GRAMD4: variants seen among roughly 807,000 people sequenced by gnomAD.
The protein encoded by GRAMD4 is GRAM domain-containing protein 4.
In GRAMD4, 25 loss-of-function variants were observed where a neutral mutation model predicts 83.9. The observed-to-expected ratio is 0.30, with a 90% confidence interval of 0.22 to 0.42. The LOEUF is 0.42. Ranked by LOEUF, GRAMD4 falls within the 10% of genes least tolerant of loss-of-function variation. The probability of loss-of-function intolerance (pLI) is 1.00; values close to 1 mark genes in which losing one functional copy is unlikely to be tolerated. For missense variants in GRAMD4, 593 were observed against 788.7 expected (o/e 0.75, Z 2.97); for synonymous variants, 336 against 320.9 (o/e 1.05, Z -0.50).
upstream of GRAMD4, chr22:46,620,262 CTGG>C (rs1403379017): frequency 2.7e-5 from 26 of 971,600 alleles, no homozygotes; most frequent in Non-Finnish European, 3.2e-5. The surrounding 1 kb of genome is among the most constrained non-coding windows in gnomAD (Gnocchi z 4.7). Flanking sequence ...TGTTCCAGGG[CTGG>C]CTGGCCCAAT....
At chr22:46,586,041 C>A (rs1308558992) in intron 1 of GRAMD4, among the ~76,000 whole-genome samples, 2 of 151,900 alleles carry the variant, frequency 1.3e-5, no homozygotes, top group South Asian at 4.1e-4. Context: ...CCATGACCCC[C>A]ACGTTTCCCC....
rs1358161558 is a variant in GRAMD4, at chr22:46,626,988, G to A, written c.162+27G>A. 18 of 1,532,392 alleles carry A rather than the reference G, an allele frequency of 1.2e-5. No homozygotes were observed. In the East Asian group the frequency reaches 4.0e-4, roughly 34 times the overall value. 94.9% of individuals were successfully genotyped at this position (1,532,392 alleles called of 1,614,324 possible). ...TGAGTACCTGTCCTCGTCCCCCGGT[G>A]TGGGCTGGGGTGTCGTCCCCGTCCT... On this transcript the variant is annotated intron_variant, in intron 2 of 18. Transcript: ENST00000406902.
chr22:46,597,970 A>G (rs1252514937), intron 1 of GRAMD4, among the ~76,000 whole-genome samples: 2 of 151,204 alleles, frequency 1.3e-5, no homozygotes, highest in Non-Finnish European at 2.9e-5. Context: ...AGGTTTTGGC[A>G]TTGGCGGCCT....
chr22:46,635,655 C>CCG (rs1569277777), intron 2 of GRAMD4, among the ~76,000 whole-genome samples: 3 of 139,842 alleles, frequency 2.1e-5, no homozygotes, highest in Admixed American at 7.0e-5. Flanking sequence ...CCTCCCTGCC[C>CCG]CCACTCCCAG....
At chr22:46,577,333 C>T in intron 1 of GRAMD4, 3 of 978,722 alleles carry the variant, frequency 3.1e-6, no homozygotes, top group Non-Finnish European at 3.6e-6. Flanking sequence ...GACCTGGTTG[C>T]CCCGCGACCA....
At chr22:46,665,891 T>C (rs2082401366) in intron 9 of GRAMD4, among the ~76,000 whole-genome samples, 185 bp downstream of exon 9, 1 of 152,150 alleles carries the variant, frequency 6.6e-6, no homozygotes, top group Admixed American at 6.5e-5. Flanking sequence ...TTGCTAGAGA[T>C]GGCAGTGGGA....
At chr22:46,671,527 G>T (rs768106573) in intron 13 of GRAMD4, among the ~76,000 whole-genome samples, 2 of 151,256 alleles carry the variant, frequency 1.3e-5, no homozygotes, top group African/African-American at 4.9e-5. Context: ...ATGGTGGCAG[G>T]CGCCTGTAGT....
chr22:46,657,727 C>T (rs867136617), intron 3 of GRAMD4, among the ~76,000 whole-genome samples: 12 of 152,220 alleles, frequency 7.9e-5, no homozygotes, highest in African/African-American at 2.2e-4. Context: ...GGGCTGTCCC[C>T]GCTGGCCCAG....
intron 3 of GRAMD4, among the ~76,000 whole-genome samples, chr22:46,650,838 A>G (rs192957096): frequency 6.6e-6 from 1 of 152,326 alleles, no homozygotes; most frequent in East Asian, 1.9e-4. Context: ...GCAGGACCAG[A>G]GTCACTCTTC....
chr22:46,592,627 C>T lies in GRAMD4; in HGVS notation c.-50+15337C>T, dbSNP rs368713163. On this transcript the variant is annotated intron_variant, in intron 1 of 1. Transcript: ENST00000431155. Reference sequence around the variant, plus strand: ...CACCAGGGAGGAACCACATCCTCTACGCCTGCAGAAGCAAAATTTCTCTCC... The same window carrying T: ...CACCAGGGAGGAACCACATCCTCTATGCCTGCAGAAGCAAAATTTCTCTCC... Among the ~76,000 whole-genome samples the T allele has an allele frequency of 7.9e-5, 12 of 152,310 alleles. No individual in the cohort carries two copies. In the South Asian group the frequency reaches 2.1e-3, roughly 26 times the overall value.
At chr22:46,648,747 C>G (rs13053915) in intron 3 of GRAMD4, among the ~76,000 whole-genome samples, 4,359 of 32,962 alleles carry the variant, frequency 0.13, 2 homozygotes, top group Middle Eastern at 0.23. Context: ...TGGATGGATG[C>G]ATGGATGGAT....
chr22:46,594,814 G>T (rs2081245028), intron 1 of GRAMD4, among the ~76,000 whole-genome samples: 1 of 151,776 alleles, frequency 6.6e-6, no homozygotes. Flanking sequence ...AGCACGGGGA[G>T]CTGGGGTTGG....
chr22:46,605,451 T>C (rs539430404), intron 1 of GRAMD4, among the ~76,000 whole-genome samples: 1 of 152,370 alleles, frequency 6.6e-6, no homozygotes, highest in South Asian at 2.1e-4. Context: ...TGCTTTTAGT[T>C]CTTTTGAGTA....
intron 2 of GRAMD4, among the ~76,000 whole-genome samples, chr22:46,637,349 T>C (rs2081906169): frequency 6.6e-6 from 1 of 150,976 alleles, no homozygotes; most frequent in Non-Finnish European, 1.5e-5. Flanking sequence ...GCCTCCTGGG[T>C]TCATGCCATT....
upstream of GRAMD4, among the ~76,000 whole-genome samples, chr22:46,617,790 C>T (rs2081524102): frequency 6.6e-6 from 1 of 152,168 alleles, no homozygotes; most frequent in Admixed American, 6.5e-5. Context: ...TGGGTGGCTT[C>T]CCTGTCACAG....
intron 1 of GRAMD4, among the ~76,000 whole-genome samples, chr22:46,580,138 C>T (rs1240125981): frequency 1.3e-5 from 2 of 152,210 alleles, no homozygotes; most frequent in Non-Finnish European, 2.9e-5. Flanking sequence ...ATCCCTGCTC[C>T]GACAGAAATT....
chr22:46,626,561 C>T (rs548903503), intron 1 of GRAMD4, among the ~76,000 whole-genome samples, 190 bp from the exon 2 acceptor site: 2 of 151,108 alleles, frequency 1.3e-5, no homozygotes, highest in African/African-American at 4.9e-5. Flanking sequence ...AAAGCTGGAC[C>T]GGCCGTGCCC....
Position 46,581,662 on chromosome 22 carries a change from T to C in GRAMD4, c.-50+4372T>C, listed in dbSNP as rs959792208. 5.9e-5 allele frequency among the ~76,000 whole-genome samples: 9 copies of C among 152,372 alleles called. No homozygotes were observed. The East Asian group carries it at 1.7e-3, about 29-fold the overall frequency. ...AGCCCTCTAAGCATGAGACATGATT[T>C]ATTTTCGTACCAACTGGAGGTAGGT... On this transcript the variant is annotated intron_variant, in intron 1 of 1. Transcript: ENST00000431155.
intron 2 of GRAMD4, among the ~76,000 whole-genome samples, chr22:46,627,229 C>T (rs1305896156): frequency 6.6e-6 from 1 of 152,254 alleles, no homozygotes; most frequent in Non-Finnish European, 1.5e-5. Flanking sequence ...GCAGACTTCT[C>T]ACGCACATGT....
Sources: allele counts gnomAD v4.1 joint callset (sites outside exome capture counted in the v4.1 genomes callset), GRCh38; gene constraint gnomAD v4.1.1; non-coding constraint Gnocchi (gnomAD v3.1); transcripts MANE v1.5; gene names NCBI Gene and HGNC (gene_info 2026-07-23, HGNC 2026-07-21).